The following LRRK1 variants were observed in gnomAD, a reference collection of about 807,000 sequenced individuals.
The protein encoded by LRRK1 is leucine-rich repeat serine/threonine-protein kinase 1.
Under a neutral mutation model 209.1 loss-of-function variants are expected in LRRK1, and 113 were observed. The ratio of observed to expected loss-of-function variants is 0.54; its 90% CI spans 0.46 to 0.63. The LOEUF is 0.63. Among genes scored for constraint, LRRK1 ranks in the 30% least tolerant of loss-of-function variants. The pLI, the probability that LRRK1 is intolerant of heterozygous loss-of-function variation, is 0.00. For missense variants in LRRK1, 2,284 were observed against 2,632.2 expected (o/e 0.87, Z 2.89); for synonymous variants, 1,144 against 1,099.7 (o/e 1.04, Z -0.80).
chr15:100,993,672 G>A (rs912505229), intron 6 of LRRK1, among the ~76,000 whole-genome samples: 9 of 152,070 alleles, frequency 5.9e-5, no homozygotes. Context: ...CTTTGCCGTA[G>A]GTATATTTCT....
chr15:101,012,445 G>A (rs1041827289), intron 10 of LRRK1, among the ~76,000 whole-genome samples: 3 of 152,178 alleles, frequency 2.0e-5, no homozygotes, highest in Non-Finnish European at 2.9e-5. Context: ...CTCCAGGAAG[G>A]GCCTTTCCAC....
intron 33 of LRRK1, chr15:101,067,205 T>G (rs1029966900): frequency 2.2e-6 from 1 of 454,306 alleles, no homozygotes; most frequent in South Asian, 1.6e-5. Context: ...GGCTGAGACA[T>G]AGCTCAGTAC....
chr15:100,928,853 G>T (rs1432639028), intron 2 of LRRK1, among the ~76,000 whole-genome samples: 2 of 152,124 alleles, frequency 1.3e-5, no homozygotes, highest in Non-Finnish European at 2.9e-5. Flanking sequence ...GTGTGTGTCT[G>T]CCCTGCCGTG....
intron 6 of LRRK1, among the ~76,000 whole-genome samples, chr15:101,004,110 T>C (rs1409850280): frequency 2.0e-5 from 3 of 152,318 alleles, no homozygotes; most frequent in African/African-American, 4.8e-5. Context: ...TCCCCTGCCC[T>C]GGGAGTGTGC....
Position 101,029,053 on chromosome 15 carries a change from C to G in LRRK1, c.2784C>G (p.Ser928=), listed in dbSNP as rs137936039. 1 of 1,614,166 alleles carries G rather than the reference C, an allele frequency of 6.2e-7. No homozygotes were observed. The highest frequency in any genetic ancestry group is 8.5e-7 in the Non-Finnish European group (1 of 1,180,054). ...ACTTCCTCGACCCTATTTGGCTCTC[C>G]GAATGTCTGCAGAGGATCTTTAATA... ...NLYFLDPIWL[S]ECLQRIFNIK... is the part of the protein sequence containing the mutation. Residue 928 remains serine (S), a synonymous_variant, in exon 20 of 34, where the codon TCC becomes TCG. Transcript: ENST00000388948.
intron 12 of LRRK1, among the ~76,000 whole-genome samples, chr15:101,015,642 C>T (rs1009580924): frequency 4.9e-5 from 7 of 143,290 alleles, no homozygotes; most frequent in African/African-American, 1.8e-4. Flanking sequence ...GCCAGTGATG[C>T]CAGCAGCTAA....
intron 20 of LRRK1, among the ~76,000 whole-genome samples, chr15:101,044,986 G>C (rs923560022): frequency 7.2e-5 from 11 of 152,212 alleles, no homozygotes; most frequent in African/African-American, 2.4e-4. Flanking sequence ...AAGGCCTCCT[G>C]CTTCACCACC....
At chr15:101,028,064 T>C (rs1016763161) in intron 19 of LRRK1, among the ~76,000 whole-genome samples, 3 of 152,198 alleles carry the variant, frequency 2.0e-5, no homozygotes, top group African/African-American at 7.2e-5. Context: ...GGGGCTGATA[T>C]TCAGTCAGGG....
chr15:101,049,453 C>A, intron 22 of LRRK1, 191 bp from the exon 23 acceptor site: 1 of 556,010 alleles, frequency 1.8e-6, no homozygotes, highest in Non-Finnish European at 3.0e-6. Flanking sequence ...CTTCACCAGG[C>A]CAGGTCCGGG....
intron 2 of LRRK1, among the ~76,000 whole-genome samples, chr15:100,971,498 G>A (rs1028168937): frequency 2.6e-5 from 4 of 152,118 alleles, no homozygotes; most frequent in East Asian, 1.9e-4. Context: ...TACTGGCTGC[G>A]TGAACTTGGC....
At chr15:101,014,853 A>G (rs2033452828) in intron 11 of LRRK1, among the ~76,000 whole-genome samples, 1 of 152,258 alleles carries the variant, frequency 6.6e-6, no homozygotes, top group African/African-American at 2.4e-5. Context: ...GCTTCGACAC[A>G]GGAATGTGGG....
chr15:100,927,193 C>A (rs2042131244), intron 2 of LRRK1, among the ~76,000 whole-genome samples: 1 of 152,188 alleles, frequency 6.6e-6, no homozygotes, highest in African/African-American at 2.4e-5. Context: ...CAGGGATCCC[C>A]CGTTGATTCT....
chr15:100,941,296 GTGTCTATGTGTGTGTGTC>G (rs2042403282), intron 2 of LRRK1, among the ~76,000 whole-genome samples: 1 of 107,498 alleles, frequency 9.3e-6, no homozygotes, highest in African/African-American at 4.3e-5. Flanking sequence ...GTGTCTGTGT[GTGTCTATGTGTGTGTGTC>G]TGTGTGTGTG....
At chr15:100,929,360 G>A (rs561609120) in intron 2 of LRRK1, among the ~76,000 whole-genome samples, 4 of 152,176 alleles carry the variant, frequency 2.6e-5, no homozygotes, top group South Asian at 2.1e-4. Context: ...GCCCACCACC[G>A]GACCCAGCAT....
chr15:100,949,462 T>C (rs1470185329), intron 2 of LRRK1, among the ~76,000 whole-genome samples: 1 of 151,944 alleles, frequency 6.6e-6, no homozygotes, highest in Non-Finnish European at 1.5e-5. Context: ...TAAAGAAGAG[T>C]TAACATCAAC....
chr15:101,031,273 T>C (rs1234497004), intron 20 of LRRK1, among the ~76,000 whole-genome samples: 1 of 152,218 alleles, frequency 6.6e-6, no homozygotes, highest in Non-Finnish European at 1.5e-5. Flanking sequence ...TCCAGTCGCT[T>C]CCCATCCGTG....
rs2035290072 is a variant in LRRK1, at chr15:101,049,688, G to A, written c.3344G>A (p.Gly1115Glu). Residue 1115 changes from glycine to glutamate, a missense_variant, in exon 23 of 34, where the codon GGA (glycine) becomes GAA (glutamate). Gly to Glu is a moderately conservative substitution (Grantham distance 98). Around this residue, in one of 6 missense-constraint regions of LRRK1, gnomAD observed 780 missense variants for 985.2 expected, o/e 0.79. Transcript: ENST00000388948. Reference sequence around the variant, plus strand: ...AACTGGAAAAAGAAGAAAAGCGGAGGAATGAAAATTGTTTGCCAATCAGAA... The same window carrying A: ...AACTGGAAAAAGAAGAAAAGCGGAGAAATGAAAATTGTTTGCCAATCAGAA... ...DVNWKKKKSG[G>E]MKIVCQSEVR... 1 of 1,614,066 alleles carries A rather than the reference G, an allele frequency of 6.2e-7. No homozygotes were observed. The highest frequency in any genetic ancestry group is 8.5e-7 in the Non-Finnish European group (1 of 1,179,978).
chr15:101,053,180 G>A lies in LRRK1; in HGVS notation c.3857-43G>A, dbSNP rs371933216. ...GCCTTAGAGAGGCCTGAGGCTGCAG[G>A]CACCCCATGTCCTACTGGCTGACAC... On this transcript the variant is annotated intron_variant, in intron 25 of 33. Coordinates refer to ENST00000388948, the MANE Select transcript of LRRK1 (RefSeq NM_024652.6). 8 of 1,592,746 alleles carry A rather than the reference G, an allele frequency of 5.0e-6. No homozygotes were observed. In the South Asian group the frequency reaches 6.6e-5, roughly 13 times the overall value.
At chr15:100,973,673 C>T in intron 2 of LRRK1, 131 bp from the exon 3 acceptor site, 12 of 940,674 alleles carry the variant, frequency 1.3e-5, no homozygotes, top group Non-Finnish European at 1.7e-5. Context: ...GCGGGGCCAC[C>T]CCTCTCTCTT....
Sources: gnomAD v4.1 joint callset for allele counts (sites outside exome capture counted in the v4.1 genomes callset) on GRCh38, gnomAD v4.1.1 for gene constraint, gnomAD v4.1.1 regional missense constraint, MANE v1.5 for transcripts, NCBI Gene and HGNC (gene_info 2026-07-23, HGNC 2026-07-21) for gene names.